Variants in MARK4 observed in about 807,000 individuals in gnomAD.
MARK4 encodes the protein microtubule affinity regulating kinase 4.
In MARK4, 19 loss-of-function variants were observed where a neutral mutation model predicts 81.5. That is an observed-to-expected ratio of 0.23 (90% CI 0.16 to 0.34). The LOEUF (loss-of-function observed/expected upper bound fraction) is 0.34, where lower values mean the gene tolerates loss of function less well. MARK4 is among the 10% of genes least tolerant of loss of function. The pLI is 1.00. For missense variants in MARK4, 772 were observed against 1,058.8 expected, an observed-to-expected ratio of 0.73 and a Z score of 3.76; for synonymous variants, 436 against 439.0, an observed-to-expected ratio of 0.99 and a Z score of 0.08.
chr19:45,277,945 G>C lies in MARK4; in HGVS notation c.809G>C (p.Arg270Thr). 6.2e-7 allele frequency: 1 copy of C among 1,613,662 alleles called. No homozygotes were observed. Among genetic ancestry groups the C allele is most frequent in the Non-Finnish European group, 8.5e-7 (1 of 1,179,910 alleles). ...CAGGAGCTGCGGGAGCGAGTACTCA[G>C]AGGGAAGTACCGGGTCCCTTTCTAC... ...NLKELRERVLRGKYRVPFYMS... is the reference protein window; with the variant it reads ...NLKELRERVLTGKYRVPFYMS... The change falls in exon 9 of 17, where the codon AGA (arginine) becomes ACA (threonine). Residue 270 changes from arginine (R) to threonine (T), a missense_variant. Coordinates refer to ENST00000262891, the MANE Select transcript of MARK4 (RefSeq NM_001199867.2).
intron 7 of MARK4, among the ~76,000 whole-genome samples, chr19:45,269,719 C>T (rs1344652952): frequency 6.6e-6 from 1 of 152,220 alleles, no homozygotes; most frequent in Non-Finnish European, 1.5e-5. Context: ...TCTAGTTGTG[C>T]TGCTTTCTTG....
chr19:45,295,440 C>T (rs1455592014), intron 14 of MARK4, among the ~76,000 whole-genome samples: 1 of 152,044 alleles, frequency 6.6e-6, no homozygotes, highest in Non-Finnish European at 1.5e-5. Context: ...AGCAGAATGA[C>T]CGGGTAAATC....
chr19:45,265,213 TGGG>T (rs201627472), intron 6 of MARK4, among the ~76,000 whole-genome samples: 1,715 of 152,072 alleles, frequency 0.011, 30 homozygotes, highest in African/African-American at 0.037. Flanking sequence ...GTGTGGGTGA[TGGG>T]GGCACGAAGG....
intron 7 of MARK4, among the ~76,000 whole-genome samples, chr19:45,270,793 G>A (rs565601521): frequency 2.1e-4 from 32 of 151,682 alleles, no homozygotes; most frequent in African/African-American, 5.8e-4. Flanking sequence ...TTTTTGAGAC[G>A]GAGTTTCGCT....
chr19:45,252,620 A>G (rs1367578191), intron 1 of MARK4, among the ~76,000 whole-genome samples: 1 of 151,258 alleles, frequency 6.6e-6, no homozygotes, highest in East Asian at 2.0e-4. Flanking sequence ...CCCCCTCCTC[A>G]GCTTCAGAGG....
intron 1 of MARK4, among the ~76,000 whole-genome samples, chr19:45,253,030 C>T (rs1459492550): frequency 6.6e-6 from 1 of 152,090 alleles, no homozygotes; most frequent in Non-Finnish European, 1.5e-5. Flanking sequence ...GAGGCCCCTC[C>T]CCATCTCCTG....
intron 1 of MARK4, among the ~76,000 whole-genome samples, chr19:45,252,203 G>A (rs536437824): frequency 3.2e-4 from 48 of 151,962 alleles, no homozygotes; most frequent in African/African-American, 1.1e-3. Context: ...CAGGAAGCTG[G>A]TTTCCACCTC....
chr19:45,270,167 G>A (rs1003125073), intron 7 of MARK4, among the ~76,000 whole-genome samples: 66 of 152,120 alleles, frequency 4.3e-4, no homozygotes, highest in African/African-American at 1.2e-3. Context: ...TCTAGGGGCC[G>A]CTGTGAGCAC....
At chr19:45,298,255 T>C in intron 15 of MARK4, 1 of 1,604,992 alleles carries the variant, frequency 6.2e-7, no homozygotes, top group Non-Finnish European at 8.5e-7. Flanking sequence ...TCTCGCTGGC[T>C]CTGCCTCCCT....
chr19:45,256,696 A>G (rs1970311529), intron 1 of MARK4, among the ~76,000 whole-genome samples: 1 of 152,154 alleles, frequency 6.6e-6, no homozygotes. Context: ...AGGGCAAAAT[A>G]TTGTAGAGTT....
At chr19:45,292,893 G>A (rs1970837208) in intron 13 of MARK4, among the ~76,000 whole-genome samples, 1 of 151,834 alleles carries the variant, frequency 6.6e-6, no homozygotes, top group South Asian at 2.1e-4. Context: ...AAGGGAGGAG[G>A]CATTAAAGAG....
At chr19:45,299,490 A>AGT in intron 15 of MARK4, among the ~76,000 whole-genome samples, 1 of 151,822 alleles carries the variant, frequency 6.6e-6, no homozygotes, top group East Asian at 1.9e-4. Flanking sequence ...TGAGCGAGGG[A>AGT]GTGTGTGTGT....
intron 13 of MARK4, among the ~76,000 whole-genome samples, chr19:45,290,060 A>G (rs550127504): frequency 1.1e-4 from 17 of 152,214 alleles, no homozygotes; most frequent in Non-Finnish European, 2.1e-4. Context: ...AGATCGTGCC[A>G]CTGCACTCCA....
At chr19:45,284,257 C>G (rs1318068806) in intron 12 of MARK4, among the ~76,000 whole-genome samples, 2 of 152,026 alleles carry the variant, frequency 1.3e-5, no homozygotes, top group Non-Finnish European at 2.9e-5. Flanking sequence ...ATCCACCCGC[C>G]TCGGCCTCCC....
intron 12 of MARK4, among the ~76,000 whole-genome samples, chr19:45,282,597 G>T (rs1382723417): frequency 6.6e-6 from 1 of 152,096 alleles, no homozygotes; most frequent in African/African-American, 2.4e-5. Context: ...GGAAGCCGAG[G>T]TGGGAGGATC....
intron 15 of MARK4, among the ~76,000 whole-genome samples, chr19:45,299,484 C>T (rs1038613168): frequency 2.0e-5 from 3 of 152,112 alleles, no homozygotes; most frequent in South Asian, 2.1e-4. Flanking sequence ...TATATGTGAG[C>T]GAGGGAGTGT....
intron 1 of MARK4, among the ~76,000 whole-genome samples, chr19:45,255,828 C>T (rs187407348): frequency 3.9e-5 from 6 of 152,212 alleles, no homozygotes; most frequent in Admixed American, 6.5e-5. Context: ...CACTCCCAGC[C>T]GGAAGGGCAC....
At chr19:45,296,613 G>A (rs999510001) in intron 14 of MARK4, among the ~76,000 whole-genome samples, 1 of 152,268 alleles carries the variant, frequency 6.6e-6, no homozygotes, top group Non-Finnish European at 1.5e-5. Context: ...GGGTGGCCAT[G>A]TGCAGTGCTC....
Position 45,302,859 on chromosome 19 carries a change from GT to G in MARK4, c.*151del. Reference sequence around the variant, plus strand: ...GGGGGCAAAGATTGTCCCCTCTGCTGTTCTCTGGGGCCGCTCAGCACAGAAG... The same window carrying G: ...GGGGGCAAAGATTGTCCCCTCTGCTGTCTCTGGGGCCGCTCAGCACAGAAG... On this transcript the variant is annotated 3_prime_UTR_variant, in exon 17 of 17. Transcript: ENST00000262891. This position sits in a 1 kb window ranked among gnomAD's most constrained non-coding sequence, Gnocchi z 4.9. 8.0e-7 allele frequency: 1 copy of G among 1,257,550 alleles called. No individual in the cohort carries two copies. The highest frequency in any genetic ancestry group is 1.1e-6 in the Non-Finnish European group (1 of 930,024). The allele number at this position is 1,257,550 out of a possible 1,614,324, so 77.9% of individuals were successfully genotyped here.
Sources: gnomAD v4.1 joint callset for allele counts (sites outside exome capture counted in the v4.1 genomes callset) on GRCh38, gnomAD v4.1.1 for gene constraint, Gnocchi (gnomAD v3.1) non-coding constraint, MANE v1.5 for transcripts, NCBI Gene and HGNC (gene_info 2026-07-23, HGNC 2026-07-21) for gene names.